WWOX: variants seen among roughly 807,000 people sequenced by gnomAD.
WWOX encodes WW domain containing oxidoreductase.
In WWOX, 69 loss-of-function variants were observed where a neutral mutation model predicts 46.2. The ratio of observed to expected loss-of-function variants is 1.49; its 90% CI spans 1.23 to 1.82. The LOEUF is 1.82. Among genes scored for constraint, WWOX ranks in the 40% most tolerant of loss-of-function variants. The pLI is 0.00. For synonymous variants in WWOX, 359 were observed against 202.6 expected (o/e 1.77, Z -6.56); for missense variants, 919 against 542.6 (o/e 1.69, Z -6.89).
At chr16:79,104,020 G>A (rs912327587) in intron 8 of WWOX, among the ~76,000 whole-genome samples, 15 of 118,606 alleles carry the variant, frequency 1.3e-4, no homozygotes, top group African/African-American at 3.5e-4. Context: ...GCACAGCTAT[G>A]TGGTGGTGCC....
intron 8 of WWOX, chr16:78,495,896 C>CT (rs1227745102): frequency 2.0e-5 from 3 of 152,072 alleles, no homozygotes; most frequent in African/African-American, 7.2e-5. Flanking sequence ...TTTTCGGTTA[C>CT]TAGTTAGGTA....
chr16:78,906,492 C>T (rs1795189979), intron 8 of WWOX, among the ~76,000 whole-genome samples: 1 of 152,120 alleles, frequency 6.6e-6, no homozygotes, highest in Non-Finnish European at 1.5e-5. Flanking sequence ...TTGTCCCCAT[C>T]TCTTCACTTG....
At chr16:78,481,533 T>C (rs755934937) in intron 8 of WWOX, among the ~76,000 whole-genome samples, 1 of 151,870 alleles carries the variant, frequency 6.6e-6, no homozygotes, top group African/African-American at 2.4e-5. Flanking sequence ...GGGAGAGTCA[T>C]CCCTCACCTC....
intron 8 of WWOX, chr16:78,551,879 C>T (rs1056451635): frequency 6.6e-6 from 1 of 152,170 alleles, no homozygotes; most frequent in Non-Finnish European, 1.5e-5. Flanking sequence ...AGTGCCCAAG[C>T]AGGTGTTGTT....
intron 8 of WWOX, among the ~76,000 whole-genome samples, chr16:78,999,579 A>C (rs948478774): frequency 6.6e-6 from 1 of 152,194 alleles, no homozygotes; most frequent in Non-Finnish European, 1.5e-5. Flanking sequence ...TATTCAGGGG[A>C]GAGAGACCCT....
intron 8 of WWOX, among the ~76,000 whole-genome samples, chr16:78,457,489 G>C (rs1229081104): frequency 6.6e-6 from 1 of 152,108 alleles, no homozygotes; most frequent in African/African-American, 2.4e-5. Flanking sequence ...AAAAACTGTT[G>C]ATTCTTTTTT....
At chr16:78,359,000 A>G (rs1230753816) in intron 5 of WWOX, among the ~76,000 whole-genome samples, 1 of 151,580 alleles carries the variant, frequency 6.6e-6, no homozygotes, top group East Asian at 1.9e-4. Flanking sequence ...ATTGCTGGGC[A>G]CAGATTCTGT....
chr16:78,334,806 A>ACACGCGCGCG (rs1555521508), intron 5 of WWOX, among the ~76,000 whole-genome samples: 1 of 130,830 alleles, frequency 7.6e-6, no homozygotes, highest in Non-Finnish European at 1.6e-5. Context: ...ACACACACAC[A>ACACGCGCGCG]CGCACACACA....
At chr16:78,347,530 T>C (rs546368488) in intron 5 of WWOX, among the ~76,000 whole-genome samples, 1 of 118,938 alleles carries the variant, frequency 8.4e-6, no homozygotes, top group East Asian at 1.9e-4. Context: ...TGCATGTTCC[T>C]GAGCTTCTTA....
chr16:78,393,394 A>C (rs2082216994), intron 6 of WWOX, among the ~76,000 whole-genome samples: 1 of 152,202 alleles, frequency 6.6e-6, no homozygotes, highest in South Asian at 2.1e-4. Flanking sequence ...GCAATGGTTC[A>C]TGCCTATAAT....
chr16:78,131,263 A>G (rs2033581963), intron 4 of WWOX, among the ~76,000 whole-genome samples: 1 of 152,184 alleles, frequency 6.6e-6, no homozygotes, highest in Non-Finnish European at 1.5e-5. Flanking sequence ...CCCAGGCTTC[A>G]GTGCATCAGC....
intron 5 of WWOX, among the ~76,000 whole-genome samples, chr16:78,322,176 G>T (rs966774365): frequency 6.6e-6 from 1 of 152,048 alleles, no homozygotes; most frequent in African/African-American, 2.4e-5. Flanking sequence ...GGAAGACAAG[G>T]ACAAACAATT....
intron 8 of WWOX, among the ~76,000 whole-genome samples, chr16:78,863,442 T>C (rs1481761536): frequency 1.3e-5 from 2 of 152,220 alleles, no homozygotes; most frequent in African/African-American, 2.4e-5. Context: ...TATATTCCAT[T>C]TGTACCTGGG....
intron 8 of WWOX, among the ~76,000 whole-genome samples, chr16:79,125,395 T>A (rs183977475): frequency 3.3e-5 from 5 of 152,336 alleles, no homozygotes; most frequent in African/African-American, 9.6e-5. Flanking sequence ...GAATTTGGGA[T>A]GTGCAAAATA....
intron 8 of WWOX, among the ~76,000 whole-genome samples, chr16:78,662,120 T>G (rs2047227932): frequency 6.6e-6 from 1 of 152,084 alleles, no homozygotes. Context: ...GCCCTGACTT[T>G]GGGGTTTGCA....
At chr16:78,781,360 C>G (rs1007008420) in intron 8 of WWOX, among the ~76,000 whole-genome samples, 24 of 152,142 alleles carry the variant, frequency 1.6e-4, no homozygotes, top group Non-Finnish European at 5.9e-5. Flanking sequence ...AATCTGCACC[C>G]CACCTTGCTA....
chr16:78,464,032 C>G (rs1285964159), intron 8 of WWOX, among the ~76,000 whole-genome samples: 1 of 152,060 alleles, frequency 6.6e-6, no homozygotes, highest in Non-Finnish European at 1.5e-5. Context: ...AGGCAGTGGG[C>G]TGTTGTAGAG....
At chr16:78,826,144 C>G (rs1355257027) in intron 8 of WWOX, 3 of 262,348 alleles carry the variant, frequency 1.1e-5, no homozygotes, top group Admixed American at 5.3e-5. Flanking sequence ...CACTTGAGGT[C>G]AAGAGTTCAA....
intron 8 of WWOX, among the ~76,000 whole-genome samples, chr16:78,855,207 G>C (rs963652361): frequency 6.6e-6 from 1 of 152,052 alleles, no homozygotes; most frequent in Non-Finnish European, 1.5e-5. Context: ...CATTAATACA[G>C]GTTTGACCTA....
Sources: gnomAD v4.1 joint callset for allele counts (sites outside exome capture counted in the v4.1 genomes callset) on GRCh38, gnomAD v4.1.1 for gene constraint, MANE v1.5 for transcripts, NCBI Gene and HGNC (gene_info 2026-07-23, HGNC 2026-07-21) for gene names.